FAAH2: variants seen among roughly 807,000 people sequenced by gnomAD.
FAAH2 encodes the protein fatty acid amide hydrolase 2.
A neutral mutation model predicts 36.9 loss-of-function variants in FAAH2; 60 were observed. The ratio of observed to expected loss-of-function variants is 1.63; its 90% CI spans 1.32 to 2.02. FAAH2 has a LOEUF of 2.02. Among genes scored for constraint, FAAH2 ranks in the 30% most tolerant of loss-of-function variants. FAAH2 has a pLI of 0.00. For synonymous variants in FAAH2, 214 were observed against 143.8 expected, an observed-to-expected ratio of 1.49 and a Z score of -3.49; for missense variants, 689 against 397.5, an observed-to-expected ratio of 1.73 and a Z score of -6.23.
intron 3 of FAAH2, 69 bp downstream of exon 3, chrX:57,310,798 C>G: frequency 4.6e-6 from 5 of 1,076,065 alleles, no homozygotes; most frequent in Non-Finnish European, 6.2e-6. Context: ...AACTTATAAA[C>G]TAAAAAGGAT....
chrX:57,448,212 C>A (rs889250714), intron 9 of FAAH2, among the ~76,000 whole-genome samples: 1 of 112,064 alleles, frequency 8.9e-6, no homozygotes, highest in Non-Finnish European at 1.9e-5. Context: ...CTCAAGTAAT[C>A]TGCCAGCCTT....
intron 7 of FAAH2, among the ~76,000 whole-genome samples, chrX:57,407,269 T>A (rs1191137135): frequency 8.9e-6 from 1 of 112,014 alleles, no homozygotes; most frequent in African/African-American, 3.2e-5. Context: ...TGGCTTATAC[T>A]GGGTGCAAAA....
the FAAH2 span, among the ~76,000 whole-genome samples, chrX:57,188,620 T>C: frequency 9.9e-5 from 11 of 110,863 alleles, no homozygotes; most frequent in African/African-American, 3.6e-4. Context: ...TTGCTGTTGC[T>C]CCTGTAGTTC....
At chrX:57,364,009 GTTTTT>G (rs59787885) in intron 5 of FAAH2, among the ~76,000 whole-genome samples, 25 of 46,547 alleles carry the variant, frequency 5.4e-4, no homozygotes, top group African/African-American at 2.1e-3. Context: ...GGCCTGTAGG[GTTTTT>G]TTTTTTTTTT....
chrX:57,388,251 G>A (rs1323048390), intron 7 of FAAH2, among the ~76,000 whole-genome samples: 1 of 111,141 alleles, frequency 9.0e-6, no homozygotes, highest in Non-Finnish European at 1.9e-5. Context: ...TATAAAGAGG[G>A]AGCTTTTTTG....
chrX:57,222,599 A>C, the FAAH2 span, among the ~76,000 whole-genome samples: 1 of 110,955 alleles, frequency 9.0e-6, no homozygotes, highest in South Asian at 3.8e-4. Flanking sequence ...TAACATCAAA[A>C]ACATGTTAGC....
intron 7 of FAAH2, chrX:57,392,747 C>A: frequency 1.6e-6 from 1 of 612,292 alleles, no homozygotes; most frequent in East Asian, 3.2e-5. Flanking sequence ...CTAAAGGGTA[C>A]AGAAAACCAG....
At chrX:57,295,921 G>T (rs1462970799) in intron 2 of FAAH2, among the ~76,000 whole-genome samples, 1 of 112,396 alleles carries the variant, frequency 8.9e-6, no homozygotes, top group African/African-American at 3.2e-5. Flanking sequence ...GGGCGCCTTT[G>T]CTCAGGCTTG....
intron 7 of FAAH2, chrX:57,393,466 G>T: frequency 1.1e-6 from 1 of 926,201 alleles, no homozygotes; most frequent in Non-Finnish European, 1.6e-6. Flanking sequence ...ACCCTTCTGG[G>T]CCAACAAGCT....
the FAAH2 span, among the ~76,000 whole-genome samples, chrX:57,145,423 ATTTG>A: frequency 1.8e-5 from 2 of 110,899 alleles, no homozygotes; most frequent in Non-Finnish European, 1.9e-5. Flanking sequence ...TTTCTTGCTA[ATTTG>A]TTTGAGTTCC....
At chrX:57,451,962 G>GT (rs1260462932) in intron 10 of FAAH2, among the ~76,000 whole-genome samples, 1 of 112,239 alleles carries the variant, frequency 8.9e-6, no homozygotes, top group Non-Finnish European at 1.9e-5. Flanking sequence ...TCATATCATT[G>GT]TATCTCAAAG....
chrX:57,251,890 G>A, the FAAH2 span, among the ~76,000 whole-genome samples: 2 of 111,669 alleles, frequency 1.8e-5, no homozygotes, highest in Non-Finnish European at 3.8e-5. Context: ...AGTGGGGGGT[G>A]GGGGAGTGTT....
chrX:57,249,712 C>G, the FAAH2 span, among the ~76,000 whole-genome samples: 1 of 111,763 alleles, frequency 8.9e-6, no homozygotes, highest in Admixed American at 9.5e-5. Flanking sequence ...TAGCTGGACT[C>G]CAGTTTTTTC....
At chrX:57,252,349 C>A in the FAAH2 span, among the ~76,000 whole-genome samples, 1 of 112,611 alleles carries the variant, frequency 8.9e-6, no homozygotes, top group Admixed American at 9.4e-5. Context: ...CTTCTCCAGA[C>A]TTAAATGTCC....
intron 10 of FAAH2, chrX:57,452,210 A>T: frequency 2.7e-6 from 2 of 750,427 alleles, no homozygotes; most frequent in African/African-American, 4.6e-5. Flanking sequence ...TAAAGATCTC[A>T]TCTGAGAAAC....
intron 7 of FAAH2, among the ~76,000 whole-genome samples, chrX:57,427,132 A>AACTAG (rs1314406265): frequency 3.6e-5 from 4 of 111,059 alleles, no homozygotes; most frequent in African/African-American, 1.3e-4. Context: ...AAGCAAGAAA[A>AACTAG]ACTAGAGGAA....
chrX:57,205,591 G>A, the FAAH2 span, among the ~76,000 whole-genome samples: 1 of 112,054 alleles, frequency 8.9e-6, no homozygotes, highest in African/African-American at 3.2e-5. Context: ...ACAGGTACAA[G>A]CTCTGCTTTT....
intron 8 of FAAH2, among the ~76,000 whole-genome samples, chrX:57,440,002 T>C (rs775628478): frequency 8.9e-6 from 1 of 111,892 alleles, no homozygotes; most frequent in South Asian, 3.7e-4. Context: ...TTGGTTACTG[T>C]AGCCTTGTAG....
chrX:57,313,140 A>G (rs1166629904), intron 3 of FAAH2, among the ~76,000 whole-genome samples: 2 of 66,180 alleles, frequency 3.0e-5, no homozygotes, highest in Non-Finnish European at 6.1e-5. Context: ...AAAGAATCCA[A>G]TCCCAGAGCT....
Sources: gnomAD v4.1 joint callset for allele counts (sites outside exome capture counted in the v4.1 genomes callset) on GRCh38, gnomAD v4.1.1 for gene constraint, MANE v1.5 for transcripts, NCBI Gene and HGNC (gene_info 2026-07-23, HGNC 2026-07-21) for gene names.